The following SLCO1B3 variants were observed in gnomAD, a reference collection of about 807,000 sequenced individuals.
SLCO1B3 encodes the protein liver-specific organic anion transporter 2.
In SLCO1B3, 72 loss-of-function variants were observed where a neutral mutation model predicts 71.8. The observed-to-expected ratio is 1.00, with a 90% CI of 0.83 to 1.22. The LOEUF is 1.22. SLCO1B3 is among the 50% of genes most tolerant of loss of function. SLCO1B3 has a pLI of 0.00. For synonymous variants in SLCO1B3, 298 were observed against 278.4 expected, an observed-to-expected ratio of 1.07 and a Z score of -0.70; for missense variants, 911 against 819.7, an observed-to-expected ratio of 1.11 and a Z score of -1.36.
At chr12:20,879,295 G>C in intron 10 of SLCO1B3, 141 bp from the exon 11 acceptor site, 1 of 376,250 alleles carries the variant, frequency 2.7e-6, no homozygotes, top group Non-Finnish European at 4.5e-6. Context: ...TGCAAGCTCC[G>C]CCTCCCAGGT....
chr12:20,827,746 A>G (rs1168344237), intron 3 of SLCO1B3, among the ~76,000 whole-genome samples: 1 of 151,898 alleles, frequency 6.6e-6, no homozygotes, highest in Non-Finnish European at 1.5e-5. Flanking sequence ...TAATTTTTGT[A>G]TTTTTGTAGA....
chr12:20,872,797 A>G (rs1238451776), intron 8 of SLCO1B3, among the ~76,000 whole-genome samples: 1 of 152,128 alleles, frequency 6.6e-6, no homozygotes, highest in Non-Finnish European at 1.5e-5. Flanking sequence ...GGTATTAGAA[A>G]AAATATTTTG....
intron 15 of SLCO1B3, among the ~76,000 whole-genome samples, chr12:20,910,375 T>A (rs1387345334): frequency 6.6e-6 from 1 of 152,180 alleles, no homozygotes; most frequent in South Asian, 2.1e-4. Context: ...AGTCTTGAGG[T>A]CAGGTAGTAT....
At chr12:20,879,952 A>G (rs1319385938) in intron 11 of SLCO1B3, among the ~76,000 whole-genome samples, 1 of 152,086 alleles carries the variant, frequency 6.6e-6, no homozygotes, top group South Asian at 2.1e-4. Flanking sequence ...ATGGCTAGCA[A>G]TGTTAAGATT....
chr12:20,911,792 A>C (rs1158937962), intron 15 of SLCO1B3, among the ~76,000 whole-genome samples: 1 of 151,904 alleles, frequency 6.6e-6, no homozygotes, highest in Non-Finnish European at 1.5e-5. Flanking sequence ...TCCATCTTTG[A>C]TTTCTGATAT....
At chr12:20,915,938 G>A in intron 15 of SLCO1B3, 66 bp from the exon 16 acceptor site, 3 of 1,307,610 alleles carry the variant, frequency 2.3e-6, no homozygotes, top group Non-Finnish European at 3.2e-6. Flanking sequence ...ATACTGGGGA[G>A]AAAAAAATGT....
chr12:20,817,911 G>A lies in SLCO1B3; in HGVS notation c.84+2089G>A, dbSNP rs890600196. ...GCCACTCTGTAGTCACTCTTCTAGA[G>A]TGGCAGTTTGGGGATAGCACCAGGA... On this transcript the variant is annotated intron_variant, in intron 3 of 15. Coordinates refer to ENST00000381545, the MANE Select transcript of SLCO1B3 (RefSeq NM_019844.4). Among the ~76,000 whole-genome samples, 4 of 152,224 alleles carry A rather than the reference G, an allele frequency of 2.6e-5. No individual in the cohort carries two copies. In the East Asian group the frequency reaches 7.8e-4, roughly 30 times the overall value.
intron 4 of SLCO1B3, among the ~76,000 whole-genome samples, chr12:20,856,964 ATT>A (rs11333408): frequency 6.6e-6 from 1 of 151,662 alleles, no homozygotes; most frequent in African/African-American, 2.4e-5. Flanking sequence ...GACTGTAATT[ATT>A]TTTTTTTAGG....
intron 3 of SLCO1B3, among the ~76,000 whole-genome samples, chr12:20,838,017 C>A (rs903329737): frequency 2.7e-4 from 41 of 152,016 alleles, no homozygotes; most frequent in African/African-American, 9.9e-4. Flanking sequence ...TTGTTGGGTG[C>A]ATATATGTTA....
intron 3 of SLCO1B3, among the ~76,000 whole-genome samples, chr12:20,831,282 G>A (rs1048079986): frequency 3.3e-5 from 5 of 149,498 alleles, no homozygotes; most frequent in South Asian, 2.1e-4. Flanking sequence ...ACTTGTGCCT[G>A]GGAGGCAGAG....
chr12:20,893,716 G>A (rs1865948746), intron 13 of SLCO1B3, among the ~76,000 whole-genome samples: 1 of 152,074 alleles, frequency 6.6e-6, no homozygotes, highest in African/African-American at 2.4e-5. Flanking sequence ...AAAATGAAAG[G>A]GTTTGAGTAA....
chr12:20,853,696 C>T (rs1337402987), intron 3 of SLCO1B3, among the ~76,000 whole-genome samples: 4 of 151,584 alleles, frequency 2.6e-5, no homozygotes, highest in African/African-American at 9.7e-5. Flanking sequence ...TAATTTTTTT[C>T]TGTTGTTTTT....
intron 13 of SLCO1B3, among the ~76,000 whole-genome samples, chr12:20,896,908 C>T (rs1254055459): frequency 1.3e-5 from 2 of 152,146 alleles, no homozygotes; most frequent in Non-Finnish European, 2.9e-5. Context: ...GCTCAAGTCA[C>T]ATCATATGTG....
rs568653990 is a variant in SLCO1B3 at position 20,879,422 on chromosome 12, T to G, written c.1136-14T>G. On this transcript the variant is annotated splice_polypyrimidine_tract_variant and intron_variant, in intron 10 of 15. Coordinates refer to ENST00000381545, the MANE Select transcript of SLCO1B3 (RefSeq NM_019844.4). The stretch of plus-strand genomic sequence containing the variant: ...TTGTATAATTATAGCTTTTTTCTCT[T>G]CTTTTATTTCTAGGAATCATAACCA... 1 of 1,542,324 alleles carries G rather than the reference T, an allele frequency of 6.5e-7. No individual in the cohort carries two copies. Among genetic ancestry groups the G allele is most frequent in the Admixed American group, 1.9e-5 (1 of 51,898 alleles).
intron 15 of SLCO1B3, among the ~76,000 whole-genome samples, chr12:20,904,037 A>C (rs1866183424): frequency 6.6e-6 from 1 of 152,058 alleles, no homozygotes; most frequent in Non-Finnish European, 1.5e-5. Context: ...CAGGAGATTG[A>C]GACCATCCTG....
chr12:20,845,626 A>ATTTGT (rs59457898), intron 3 of SLCO1B3, among the ~76,000 whole-genome samples: 109,503 of 151,400 alleles, frequency 0.72, 42,165 homozygotes, highest in South Asian at 0.9. Context: ...AAAAATTGAG[A>ATTTGT]TTTGTGATGT....
intron 9 of SLCO1B3, among the ~76,000 whole-genome samples, chr12:20,876,025 AGAGT>A (rs1163157906): frequency 4.0e-5 from 6 of 151,652 alleles, no homozygotes; most frequent in Admixed American, 6.6e-5. Flanking sequence ...CTAGGTAATT[AGAGT>A]AAGATTATTT....
chr12:20,886,107 A>T (rs890667227), intron 13 of SLCO1B3, among the ~76,000 whole-genome samples: 5 of 152,066 alleles, frequency 3.3e-5, no homozygotes, highest in Non-Finnish European at 5.9e-5. Context: ...GTGGCATGTG[A>T]CAAAGATAAT....
intron 15 of SLCO1B3, among the ~76,000 whole-genome samples, chr12:20,910,592 T>G (rs1174606072): frequency 6.6e-6 from 1 of 152,202 alleles, no homozygotes; most frequent in Non-Finnish European, 1.5e-5. Context: ...TACATGAACA[T>G]GGAATATCAC....
Sources: gnomAD v4.1 joint callset for allele counts (sites outside exome capture counted in the v4.1 genomes callset) on GRCh38, gnomAD v4.1.1 for gene constraint, MANE v1.5 for transcripts, NCBI Gene and HGNC (gene_info 2026-07-23, HGNC 2026-07-21) for gene names.